The following MTA3 variants were observed in gnomAD, a reference collection of about 807,000 sequenced individuals.
MTA3 encodes metastasis-associated protein MTA3.
Under a neutral mutation model 83.5 loss-of-function variants are expected in MTA3, and 34 were observed. That is an observed-to-expected ratio of 0.41 (90% CI 0.31 to 0.54). The LOEUF (loss-of-function observed/expected upper bound fraction) is 0.54. MTA3 is among the 20% of genes least tolerant of loss of function. The probability of loss-of-function intolerance (pLI) is 0.33; values close to 1 mark genes in which losing one functional copy is unlikely to be tolerated. For synonymous variants in MTA3, 303 were observed against 252.7 expected, an observed-to-expected ratio of 1.20 and a Z score of -1.89; for missense variants, 761 against 726.4, an observed-to-expected ratio of 1.05 and a Z score of -0.55.
intron 8 of MTA3, among the ~76,000 whole-genome samples, chr2:42,666,572 T>G (rs1690254368): frequency 6.6e-6 from 1 of 152,176 alleles, no homozygotes. Flanking sequence ...CATAGTTAAC[T>G]CTGTTTAAAA....
At chr2:42,727,688 TG>T (rs1667925402) in intron 16 of MTA3, among the ~76,000 whole-genome samples, 2 of 152,286 alleles carry the variant, frequency 1.3e-5, no homozygotes, top group Admixed American at 1.3e-4. Context: ...TGACCTTGGG[TG>T]AATCACATGG....
intron 16 of MTA3, among the ~76,000 whole-genome samples, chr2:42,724,275 AAAACAC>A (rs370433284): frequency 0.048 from 3,920 of 82,150 alleles, 182 homozygotes; most frequent in African/African-American, 0.094. Context: ...TAAGTCCTGA[AAAACAC>A]ACACACACAC....
At position 42,570,533 on chromosome 2, in the gene MTA3, A is replaced by G. The variant is rs1350353809; in HGVS notation, c.96+29A>G. The G allele has an allele frequency of 5.5e-6, 7 of 1,272,402 alleles. No individual in the cohort carries two copies. In the African/African-American group the frequency reaches 7.5e-5, roughly 14 times the overall value. 78.8% of individuals were successfully genotyped at this position (1,272,402 alleles called of 1,614,324 possible). ...TACACTGAGTGTTCTTAATTTTAAT[A>G]TTAAAAATATTTATTTTCCCTTGAT... On this transcript the variant is annotated intron_variant, in intron 2 of 16. Transcript: ENST00000405094.
At chr2:42,567,259 C>A (rs190823146), upstream of MTA3, among the ~76,000 whole-genome samples, 263 of 152,298 alleles carry the variant, frequency 1.7e-3, 2 homozygotes, top group East Asian at 5.0e-3. Flanking sequence ...GGGGAACTCA[C>A]GTCCCCATTT....
intron 1 of MTA3, chr2:42,569,932 C>G (rs559239095): frequency 6.6e-6 from 1 of 152,048 alleles, no homozygotes; most frequent in East Asian, 1.9e-4. Flanking sequence ...CGTTCTTCCT[C>G]TTAACCTGTT....
chr2:42,562,212 G>C (rs1251587247), intron 2 of MTA3, among the ~76,000 whole-genome samples: 7 of 152,082 alleles, frequency 4.6e-5, no homozygotes, highest in African/African-American at 1.7e-4. Context: ...ATCTCATCTT[G>C]AGATCTTCAG....
At chr2:42,590,301 C>G (rs1399193051) in intron 3 of MTA3, among the ~76,000 whole-genome samples, 2 of 152,056 alleles carry the variant, frequency 1.3e-5, no homozygotes, top group African/African-American at 4.8e-5. Flanking sequence ...TTAATGCCCT[C>G]CCTGGAGTAG....
At chr2:42,733,261 G>C (rs558873322) in intron 16 of MTA3, among the ~76,000 whole-genome samples, 4 of 152,188 alleles carry the variant, frequency 2.6e-5, no homozygotes, top group Non-Finnish European at 5.9e-5. Context: ...GAGGTGAAAG[G>C]CACATCTTAC....
intron 2 of MTA3, among the ~76,000 whole-genome samples, chr2:42,518,719 G>C (rs1484763318): frequency 6.6e-6 from 1 of 151,972 alleles, no homozygotes; most frequent in Non-Finnish European, 1.5e-5. Flanking sequence ...GCTTACTCCT[G>C]TAATCCCAAC....
chr2:42,674,171 G>A (rs766181779), intron 8 of MTA3, among the ~76,000 whole-genome samples: 7 of 152,108 alleles, frequency 4.6e-5, no homozygotes, highest in Non-Finnish European at 8.8e-5. Flanking sequence ...GCTCAGTTAT[G>A]TCACATATCC....
intron 8 of MTA3, among the ~76,000 whole-genome samples, chr2:42,677,634 G>A (rs956843238): frequency 1.8e-4 from 28 of 152,196 alleles, no homozygotes; most frequent in African/African-American, 5.1e-4. Context: ...ATGAGCCACC[G>A]TACCTCGTCC....
chr2:42,756,810 A>G lies in MTA3; in HGVS notation c.*3411A>G, dbSNP rs1044271039. The G allele has an allele frequency of 3.0e-6, 3 of 985,336 alleles. No homozygotes were observed. Among genetic ancestry groups the G allele is most frequent in the African/African-American group, 1.7e-5 (1 of 57,222 alleles). 61.0% of individuals were successfully genotyped at this position (985,336 alleles called of 1,614,324 possible). A position where few individuals can be genotyped will look rare whatever the true frequency, so the allele number is the denominator to read the frequency against. ...CCTGCCAGGGAAGCTAACCCAGAGC[A>G]CGCACCTGTGCTCATGAGTGTTTCC... On this transcript the variant is annotated 3_prime_UTR_variant, in exon 17 of 17. Coordinates refer to ENST00000405094, the MANE Select transcript of MTA3 (RefSeq NM_001330442.2).
intron 2 of MTA3, among the ~76,000 whole-genome samples, chr2:42,508,337 T>C (rs1674731481): frequency 1.3e-5 from 2 of 152,110 alleles, no homozygotes; most frequent in South Asian, 4.2e-4. Context: ...TAGACTTATT[T>C]TTTTCTTTTT....
At chr2:42,650,031 A>T (rs569385400) in intron 6 of MTA3, among the ~76,000 whole-genome samples, 1 of 152,158 alleles carries the variant, frequency 6.6e-6, no homozygotes, top group Non-Finnish European at 1.5e-5. Context: ...CTATTTTTTC[A>T]TAAACTCTAT....
intron 2 of MTA3, among the ~76,000 whole-genome samples, chr2:42,506,383 G>A (rs1674627466): frequency 6.6e-6 from 1 of 152,000 alleles, no homozygotes; most frequent in Non-Finnish European, 1.5e-5. Flanking sequence ...GAGCCCAGGA[G>A]GTCAAGGCTG....
rs1235265903 is a variant in MTA3, at chr2:42,650,533, G to C, written c.500-5667G>C. ...CGGTTCACTGCAAGCTCCGCCTCCC[G>C]GGTTCACGCCATTTTCCTGCCTCAG... On this transcript the variant is annotated intron_variant, in intron 6 of 16. Coordinates refer to ENST00000405094, the MANE Select transcript of MTA3 (RefSeq NM_001330442.2). Among the ~76,000 whole-genome samples, 4 of 151,838 alleles carry C rather than the reference G, an allele frequency of 2.6e-5. No individual in the cohort carries two copies. In the East Asian group the frequency reaches 7.8e-4, roughly 29 times the overall value.
chr2:42,660,054 T>G (rs1159477746), intron 8 of MTA3, among the ~76,000 whole-genome samples, 192 bp downstream of exon 8: 1 of 152,060 alleles, frequency 6.6e-6, no homozygotes, highest in Non-Finnish European at 1.5e-5. Flanking sequence ...GTTTTTTGTG[T>G]CTGTTCATTA....
intron 8 of MTA3, among the ~76,000 whole-genome samples, chr2:42,665,855 C>T (rs1690187201): frequency 6.6e-6 from 1 of 152,218 alleles, no homozygotes; most frequent in Non-Finnish European, 1.5e-5. Flanking sequence ...GTGACATAAT[C>T]AGGACTAGAA....
At chr2:42,548,818 T>TATATATATATAATATATATATATATATA (rs1308042237) in intron 2 of MTA3, among the ~76,000 whole-genome samples, 1 of 24,412 alleles carries the variant, frequency 4.1e-5, no homozygotes, top group Non-Finnish European at 9.6e-5. Context: ...AAAATATATA[T>TATATATATATAATATATATATATATATA]ATATATATAT....
Sources: allele counts gnomAD v4.1 joint callset (sites outside exome capture counted in the v4.1 genomes callset), GRCh38; gene constraint gnomAD v4.1.1; transcripts MANE v1.5; gene names NCBI Gene and HGNC (gene_info 2026-07-23, HGNC 2026-07-21).